SLC25A51: variants seen among roughly 807,000 people sequenced by gnomAD.
The protein encoded by SLC25A51 is solute carrier family 25 member 51.
SLC25A51 carries 11 observed loss-of-function variants against 19.1 expected under a neutral mutation model. The ratio of observed to expected loss-of-function variants is 0.58; its 90% CI spans 0.36 to 0.96. The LOEUF is 0.96. SLC25A51 is among the 40% of genes least tolerant of loss of function. The pLI, the probability that SLC25A51 is intolerant of heterozygous loss-of-function variation, is 0.01. For missense variants in SLC25A51, 201 were observed against 365.4 expected, an observed-to-expected ratio of 0.55 and a Z score of 3.67; for synonymous variants, 105 against 133.6, an observed-to-expected ratio of 0.79 and a Z score of 1.47.
chr9:37,884,368 T>C (rs2077497), downstream of SLC25A51, among the ~76,000 whole-genome samples: 3,246 of 152,330 alleles, frequency 0.021, 65 homozygotes, highest in East Asian at 0.078. Context: ...CCTTCAAATG[T>C]CTTTATTTAG....
downstream of SLC25A51, among the ~76,000 whole-genome samples, chr9:37,883,768 T>C (rs1183097827): frequency 2.6e-5 from 4 of 152,258 alleles, no homozygotes; most frequent in African/African-American, 7.2e-5. Context: ...GGCCAATGGA[T>C]GCTACTCATA....
At chr9:37,898,807 G>A (rs1346834667) in intron 2 of SLC25A51, among the ~76,000 whole-genome samples, 3 of 152,098 alleles carry the variant, frequency 2.0e-5, no homozygotes, top group Non-Finnish European at 4.4e-5. Flanking sequence ...ACATGGGAAG[G>A]AAATATACAT....
chr9:37,883,247 T>C (rs1393391319), downstream of SLC25A51, among the ~76,000 whole-genome samples: 1 of 152,244 alleles, frequency 6.6e-6, no homozygotes, highest in African/African-American at 2.4e-5. Context: ...CAGACAAAGC[T>C]GTTGGTTACA....
intron 2 of SLC25A51, chr9:37,881,697 C>A (rs1450047113): frequency 1.3e-5 from 2 of 152,080 alleles, no homozygotes. Context: ...TATATGAAAC[C>A]CCTCTTGACG....
At chr9:37,879,894 G>A (rs570225490) in exon 4 of SLC25A51, 1 of 152,700 alleles carries the variant, frequency 6.5e-6, no homozygotes, top group South Asian at 2.1e-4. Context: ...GGAGTGCAGA[G>A]ACAGCAGCGC....
chr9:37,885,839 T>A, downstream of SLC25A51: 1 of 1,605,060 alleles, frequency 6.2e-7, no homozygotes, highest in Non-Finnish European at 8.5e-7. Context: ...TGGGCCTACT[T>A]TACATCACAC....
intron 1 of SLC25A51, among the ~76,000 whole-genome samples, chr9:37,903,212 A>C (rs1288760896): frequency 1.3e-5 from 2 of 152,302 alleles, no homozygotes; most frequent in Admixed American, 6.5e-5. Flanking sequence ...ATCCTTTCAA[A>C]GCACGGGCAG....
chr9:37,894,952 T>C (rs1831682437), intron 2 of SLC25A51, among the ~76,000 whole-genome samples: 1 of 152,202 alleles, frequency 6.6e-6, no homozygotes, highest in African/African-American at 2.4e-5. Context: ...GGCACAATCT[T>C]GCTCTTTTTA....
intron 2 of SLC25A51, among the ~76,000 whole-genome samples, chr9:37,890,300 A>G (rs868237758): frequency 2.2e-4 from 34 of 152,278 alleles, no homozygotes; most frequent in Non-Finnish European, 2.1e-4. Context: ...GGGAGGATCA[A>G]TTGAGCCAGG....
intron 2 of SLC25A51, among the ~76,000 whole-genome samples, chr9:37,889,592 T>C (rs1831535453): frequency 6.6e-6 from 1 of 151,834 alleles, no homozygotes; most frequent in African/African-American, 2.4e-5. Context: ...GTATTCTCTT[T>C]TGTTCTGTTC....
In SLC25A51 at chr9:37,888,559, A is replaced by C; in HGVS notation, c.-9T>G. 2 of 1,573,730 alleles carry C rather than the reference A, an allele frequency of 1.3e-6. No individual in the cohort carries two copies. Among genetic ancestry groups the C allele is most frequent in the Non-Finnish European group, 1.7e-6 (2 of 1,165,226 alleles). ...GCTTCTGAATCCATCATGCTGCTTA[A>C]GATCTTTCTTTTTCATGAAGGACTT... On this transcript the variant is annotated 5_prime_UTR_variant, in exon 3 of 3. Coordinates refer to ENST00000242275, the MANE Select transcript of SLC25A51 (RefSeq NM_033412.4).
downstream of SLC25A51, among the ~76,000 whole-genome samples, chr9:37,885,352 A>AAAC (rs1564065669): frequency 1.4e-4 from 21 of 151,318 alleles, no homozygotes; most frequent in African/African-American, 4.9e-4. Flanking sequence ...TAAAAAAAAA[A>AAAC]AAAAAAAAAA....
chr9:37,889,179 C>T (rs1042847619), intron 2 of SLC25A51, among the ~76,000 whole-genome samples: 4 of 152,160 alleles, frequency 2.6e-5, no homozygotes, highest in African/African-American at 9.7e-5. Context: ...ACTGACTACA[C>T]TATATACGGT....
chr9:37,878,943 G>GT, downstream of SLC25A51: 1 of 210,474 alleles, frequency 4.8e-6, no homozygotes, highest in East Asian at 1.6e-4. Flanking sequence ...AGGCTTCAGT[G>GT]TAACTCCTGA....
At chr9:37,884,751 C>T (rs866213310), downstream of SLC25A51, among the ~76,000 whole-genome samples, 1 of 152,118 alleles carries the variant, frequency 6.6e-6, no homozygotes, top group Non-Finnish European at 1.5e-5. Context: ...AGAATTTGAT[C>T]CACACACAAA....
At chr9:37,891,332 C>G (rs907408398) in intron 2 of SLC25A51, among the ~76,000 whole-genome samples, 2 of 152,204 alleles carry the variant, frequency 1.3e-5, no homozygotes, top group African/African-American at 4.8e-5. Flanking sequence ...CCCCTCTGCC[C>G]GGCCGCCACC....
At chr9:37,898,439 T>C (rs1232255468) in intron 2 of SLC25A51, among the ~76,000 whole-genome samples, 5 of 152,012 alleles carry the variant, frequency 3.3e-5, no homozygotes, top group Admixed American at 1.3e-4. Flanking sequence ...CCTGTAATCC[T>C]AGCTATTCGG....
chr9:37,898,632 T>C (rs531298198), intron 2 of SLC25A51, among the ~76,000 whole-genome samples: 34 of 151,910 alleles, frequency 2.2e-4, no homozygotes, highest in African/African-American at 6.3e-4. Context: ...GGCAGGAGAA[T>C]TGCCGGAACC....
At chr9:37,886,663 T>TTAAC (rs1831463493), downstream of SLC25A51, among the ~76,000 whole-genome samples, 1 of 152,180 alleles carries the variant, frequency 6.6e-6, no homozygotes, top group Admixed American at 6.5e-5. Context: ...GGTCAGTGTG[T>TTAAC]TAACTGCTTA....
Sources: gnomAD v4.1 joint callset for allele counts (sites outside exome capture counted in the v4.1 genomes callset) on GRCh38, gnomAD v4.1.1 for gene constraint, MANE v1.5 for transcripts, NCBI Gene and HGNC (gene_info 2026-07-23, HGNC 2026-07-21) for gene names.